The following PTPRO variants were observed in gnomAD, a reference collection of about 807,000 sequenced individuals.
PTPRO encodes the protein protein tyrosine phosphatase receptor type O, also known as receptor-type tyrosine-protein phosphatase O.
PTPRO carries 62 observed loss-of-function variants against 145.2 expected under a neutral mutation model. The observed-to-expected ratio is 0.43, with a 90% CI of 0.35 to 0.53. PTPRO has a LOEUF of 0.53. Ranked by LOEUF, PTPRO falls within the 20% of genes least tolerant of loss-of-function variation. The probability of loss-of-function intolerance (pLI) is 0.01; values close to 1 mark genes in which losing one functional copy is unlikely to be tolerated. For synonymous variants in PTPRO, 565 were observed against 514.7 expected (o/e 1.10, Z -1.32); for missense variants, 1,345 against 1,482.7 (o/e 0.91, Z 1.53).
intron 1 of PTPRO, among the ~76,000 whole-genome samples, chr12:15,323,925 T>C (rs1483111578): frequency 6.6e-6 from 1 of 152,194 alleles, no homozygotes; most frequent in Non-Finnish European, 1.5e-5. Flanking sequence ...TTTTCATTTA[T>C]CTTAATGAAA....
chr12:15,425,440 G>A (rs1940258758), intron 1 of PTPRO, among the ~76,000 whole-genome samples: 1 of 152,110 alleles, frequency 6.6e-6, no homozygotes, highest in Non-Finnish European at 1.5e-5. Flanking sequence ...ACAAAGCCCT[G>A]CTTTGAGCCT....
chr12:15,429,684 G>A (rs545553225), intron 1 of PTPRO, among the ~76,000 whole-genome samples: 1 of 152,258 alleles, frequency 6.6e-6, no homozygotes, highest in Admixed American at 6.5e-5. Flanking sequence ...AGTTATTTGT[G>A]TCATTAAAGG....
intron 1 of PTPRO, among the ~76,000 whole-genome samples, chr12:15,360,803 T>C (rs1243937553): frequency 3.4e-5 from 5 of 149,112 alleles, no homozygotes; most frequent in African/African-American, 1.2e-4. Flanking sequence ...TATGTGTGTA[T>C]ATATACGTGT....
intron 1 of PTPRO, among the ~76,000 whole-genome samples, chr12:15,378,862 G>A (rs1387471738): frequency 1.3e-5 from 2 of 152,078 alleles, no homozygotes; most frequent in African/African-American, 2.4e-5. Context: ...GACAACCGTA[G>A]ACAATGGATT....
intron 1 of PTPRO, among the ~76,000 whole-genome samples, chr12:15,380,454 G>A (rs536203238): frequency 3.0e-4 from 46 of 152,152 alleles, no homozygotes; most frequent in African/African-American, 1.1e-3. Context: ...AGAGAGAGAA[G>A]TCAGATGAAC....
chr12:15,391,026 A>G (rs564596724), intron 1 of PTPRO, among the ~76,000 whole-genome samples: 1 of 152,290 alleles, frequency 6.6e-6, no homozygotes, highest in African/African-American at 2.4e-5. Flanking sequence ...TCTTCTTATG[A>G]GGACACTAAT....
intron 12 of PTPRO, among the ~76,000 whole-genome samples, chr12:15,545,987 C>T (rs11056552): frequency 0.025 from 3,720 of 150,854 alleles, 143 homozygotes; most frequent in African/African-American, 0.083. Context: ...TGCACTCCAG[C>T]CTGGGTGACA....
chr12:15,548,831 A>G (rs980857933), intron 13 of PTPRO, among the ~76,000 whole-genome samples: 4 of 152,192 alleles, frequency 2.6e-5, no homozygotes, highest in Non-Finnish European at 4.4e-5. Context: ...TATGTTTTTT[A>G]ACTGTGTCAT....
intron 1 of PTPRO, among the ~76,000 whole-genome samples, chr12:15,372,023 A>C (rs1226152328): frequency 6.6e-6 from 1 of 152,210 alleles, no homozygotes; most frequent in Non-Finnish European, 1.5e-5. Flanking sequence ...TATTTCTAGC[A>C]GTGTAAAACC....
intron 12 of PTPRO, among the ~76,000 whole-genome samples, chr12:15,534,079 G>A (rs1943020061): frequency 6.6e-6 from 1 of 152,046 alleles, no homozygotes; most frequent in Admixed American, 6.6e-5. Context: ...ACCAATAATG[G>A]TGCTTTTCCC....
chr12:15,516,705 A>AT, intron 8 of PTPRO, 58 bp from the exon 9 acceptor site: 1 of 1,473,012 alleles, frequency 6.8e-7, no homozygotes, highest in Non-Finnish European at 9.5e-7. Flanking sequence ...GTTTGAGGCC[A>AT]TTGCTAAGAC....
At chr12:15,362,534 A>G (rs759882876) in intron 1 of PTPRO, among the ~76,000 whole-genome samples, 1 of 152,206 alleles carries the variant, frequency 6.6e-6, no homozygotes, top group Non-Finnish European at 1.5e-5. Context: ...TAGAGAAAAC[A>G]GTAAATAGGA....
intron 12 of PTPRO, among the ~76,000 whole-genome samples, chr12:15,527,010 G>A (rs909955448): frequency 9.2e-5 from 14 of 152,138 alleles, no homozygotes; most frequent in Non-Finnish European, 7.4e-5. Context: ...TTCATATAAT[G>A]AGAGAAAGAT....
rs191307305 is a variant in PTPRO, at chr12:15,453,419, T to C, written c.76-30555T>C. Among the ~76,000 whole-genome samples the C allele has an allele frequency of 1.4e-4, 21 of 152,286 alleles. No individual in the cohort carries two copies. In the East Asian group the frequency reaches 4.1e-3, roughly 29 times the overall value. On this transcript the variant is annotated intron_variant, in intron 1 of 26. Transcript: ENST00000281171. ...ATATTGAGTCTTAACAGTGAGGCCTTAGACAGTGATTCAGTTTCCTCAGTG... is the reference window on the plus strand; with the variant it reads ...ATATTGAGTCTTAACAGTGAGGCCTCAGACAGTGATTCAGTTTCCTCAGTG...
intron 1 of PTPRO, among the ~76,000 whole-genome samples, chr12:15,385,105 A>G (rs1938981210): frequency 6.6e-6 from 1 of 152,250 alleles, no homozygotes. Flanking sequence ...TTTCCATACA[A>G]TAATCCATTT....
At chr12:15,512,189 A>C (rs534220187) in intron 7 of PTPRO, among the ~76,000 whole-genome samples, 1 of 152,110 alleles carries the variant, frequency 6.6e-6, no homozygotes, top group South Asian at 2.1e-4. Flanking sequence ...ATCTCGGCTC[A>C]CTGCAACCTC....
At chr12:15,425,269 C>A in intron 1 of PTPRO, among the ~76,000 whole-genome samples, 1 of 152,204 alleles carries the variant, frequency 6.6e-6, no homozygotes, top group East Asian at 1.9e-4. Flanking sequence ...AAGTTTTATT[C>A]TAATGTTTTT....
chr12:15,440,290 G>T, intron 1 of PTPRO: 3 of 566,656 alleles, frequency 5.3e-6, no homozygotes, highest in Non-Finnish European at 9.4e-6. Flanking sequence ...CCAACCTCCG[G>T]AAGGAGACTG....
At chr12:15,510,406 C>T (rs1363988693) in intron 7 of PTPRO, among the ~76,000 whole-genome samples, 2 of 152,112 alleles carry the variant, frequency 1.3e-5, no homozygotes, top group Non-Finnish European at 2.9e-5. Context: ...ACGTGTTTTC[C>T]CCTACAGACC....
Sources: gnomAD v4.1 joint callset for allele counts (sites outside exome capture counted in the v4.1 genomes callset) on GRCh38, gnomAD v4.1.1 for gene constraint, MANE v1.5 for transcripts, NCBI Gene and HGNC (gene_info 2026-07-23, HGNC 2026-07-21) for gene names.